SBF1: variants seen among roughly 807,000 people sequenced by gnomAD.
The protein encoded by SBF1 is SET binding factor 1.
In SBF1, 65 loss-of-function variants were observed where a neutral mutation model predicts 215.8. The ratio of observed to expected loss-of-function variants is 0.30; its 90% confidence interval spans 0.25 to 0.37. The LOEUF (loss-of-function observed/expected upper bound fraction) is 0.37. Among genes scored for constraint, SBF1 ranks in the 10% least tolerant of loss-of-function variants. The probability of loss-of-function intolerance (pLI) is 1.00; values close to 1 mark genes in which losing one functional copy is unlikely to be tolerated. For synonymous variants in SBF1, 1,410 were observed against 1,122.8 expected, an observed-to-expected ratio of 1.26 and a Z score of -5.11; for missense variants, 2,634 against 2,667.8, an observed-to-expected ratio of 0.99 and a Z score of 0.28.
At chr22:50,452,048 A>G (rs2067066967) in intron 36 of SBF1, among the ~76,000 whole-genome samples, 1 of 151,684 alleles carries the variant, frequency 6.6e-6, no homozygotes, top group Non-Finnish European at 1.5e-5. Flanking sequence ...CACCTGCCTC[A>G]GCCTCCCAAA....
Position 50,457,924 on chromosome 22 carries a change from C to T in SBF1, c.3827-813G>A, listed in dbSNP as rs535875528. Among the ~76,000 whole-genome samples, 14 of 152,370 alleles carry T rather than the reference C, an allele frequency of 9.2e-5. No homozygotes were observed. The East Asian group carries it at 2.7e-3, about 29-fold the overall frequency. On this transcript the variant is annotated intron_variant, in intron 28 of 40. Coordinates refer to ENST00000380817, the MANE Select transcript of SBF1 (RefSeq NM_002972.4). ...GCCCTGTGTCCTCTGACGGCTGCCA[C>T]ACTGCAGGCGCCCAGCTCACAGTGA...
In SBF1 at chr22:50,467,861, A is replaced by G. The variant is rs933474782; in HGVS notation, c.204T>C (p.Ala68=). The G allele has an allele frequency of 1.9e-6, 3 of 1,614,010 alleles. No individual in the cohort carries two copies. The highest frequency in any genetic ancestry group is 2.2e-5 in the East Asian group (1 of 44,886). ...PERNPPTFFV[A]VLTDINSERH... ...GCTCGGAGTTGATGTCGGTGAGGAC[A>G]GCAACAAAGAAGGTCGGTGGATTCC... Residue 68 remains alanine (A), a synonymous_variant, in exon 3 of 41, where the codon GCT becomes GCC. Transcript: ENST00000380817.
Position 50,462,192 on chromosome 22 carries a change from G to T in SBF1, c.2396+13C>A. 6.2e-7 allele frequency: 1 copy of T among 1,604,054 alleles called. No homozygotes were observed. The highest frequency in any genetic ancestry group is 8.5e-7 in the Non-Finnish European group (1 of 1,179,446). ...CCGCCTCCACTGGGCCCAACCCCCA[G>T]TCCCTGCCTCACCTGTTGGTGACCA... On this transcript the variant is annotated intron_variant, in intron 19 of 40. Transcript: ENST00000380817.
Position 50,446,356 on chromosome 22 carries a change from T to TGCCCC in SBF1, c.*785_*786insGGGGC. On this transcript the variant is annotated 3_prime_UTR_variant, in exon 41 of 41. Transcript: ENST00000380817. ...CCTGCATTCCCCTGGGAGCCCACTG[T>TGCCCC]CCCCCCCCCCCCCCCGCCTCCGGCC... 5.7e-5 allele frequency: 2 copies of TGCCCC among 35,042 alleles called. No individual in the cohort carries two copies. The highest frequency in any genetic ancestry group is 5.2e-4 in the East Asian group (1 of 1,906). 2.2% of individuals were successfully genotyped at this position (35,042 alleles called of 1,614,324 possible).
chr22:50,474,894 A>T lies in SBF1; in HGVS notation c.-54T>A. On this transcript the variant is annotated 5_prime_UTR_variant, in exon 1 of 41. Coordinates refer to ENST00000380817, the MANE Select transcript of SBF1 (RefSeq NM_002972.4). Reference sequence around the variant, plus strand: ...CGCGGGCGGGCTCCGCGGCTCGGGGACTCGAGGACGGCGCGCTCATGGCCC... The same window carrying T: ...CGCGGGCGGGCTCCGCGGCTCGGGGTCTCGAGGACGGCGCGCTCATGGCCC... The T allele has an allele frequency of 1.6e-6, 2 of 1,248,322 alleles. No homozygotes were observed. The highest frequency in any genetic ancestry group is 2.1e-6 in the Non-Finnish European group (2 of 975,050). The allele number at this position is 1,248,322 out of a possible 1,614,324, so 77.3% of individuals were successfully genotyped here.
In SBF1 at chr22:50,446,356, T is replaced by TCGTCCCCCCCC. The variant is rs1491577679; in HGVS notation, c.*785_*786insGGGGGGGGACG. 5.7e-5 allele frequency: 2 copies of TCGTCCCCCCCC among 35,048 alleles called. No homozygotes were observed. Among genetic ancestry groups the TCGTCCCCCCCC allele is most frequent in the African/African-American group, 2.6e-4 (2 of 7,646 alleles). 2.2% of individuals were successfully genotyped at this position (35,048 alleles called of 1,614,324 possible). A position where few individuals can be genotyped will look rare whatever the true frequency, so the allele number is the denominator to read the frequency against. Reference sequence around the variant, plus strand: ...CCTGCATTCCCCTGGGAGCCCACTGTCCCCCCCCCCCCCCCGCCTCCGGCC... The same window carrying TCGTCCCCCCCC: ...CCTGCATTCCCCTGGGAGCCCACTGTCGTCCCCCCCCCCCCCCCCCCCCCCCGCCTCCGGCC... On this transcript the variant is annotated 3_prime_UTR_variant, in exon 41 of 41. Transcript: ENST00000380817.
In SBF1 at chr22:50,467,648, CCTCTTCCTCCCT is replaced by C. The variant is rs1483362315; in HGVS notation, c.310_321del (p.Arg104_Glu107del). On this transcript the variant is annotated inframe_deletion, in exon 4 of 41. Coordinates refer to ENST00000380817, the MANE Select transcript of SBF1 (RefSeq NM_002972.4). ...AGGTGGGTCTGGCCTCCCTCATCCC[CCTCTTCCTCCCT>C]CTCTGTGGCATCCTCCACGCGCGTC... is the stretch of plus-strand genomic sequence containing the variant. 28 of 1,613,854 alleles carry C rather than the reference CCTCTTCCTCCCT, an allele frequency of 1.7e-5. No individual in the cohort carries two copies. Among genetic ancestry groups the C allele is most frequent in the Non-Finnish European group, 2.4e-5 (28 of 1,179,948 alleles).
intron 36 of SBF1, among the ~76,000 whole-genome samples, chr22:50,452,800 A>G (rs575436199): frequency 3.9e-4 from 59 of 151,872 alleles, no homozygotes; most frequent in Non-Finnish European, 6.9e-4. Context: ...TGTGACAGTA[A>G]CAGGACAGGA....
At chr22:50,460,741 T>C in intron 23 of SBF1, 29 bp from the exon 24 acceptor site, 1 of 1,598,486 alleles carries the variant, frequency 6.3e-7, no homozygotes, top group Non-Finnish European at 8.5e-7. Context: ...CCCTTAGGGG[T>C]GTGGGTGGCC....
chr22:50,447,392 A>G lies in SBF1; in HGVS notation c.5513T>C (p.Val1838Ala). Reference protein sequence around the residue: ...ECKGVIDLAEVEAVAPGTPTM... With the variant: ...ECKGVIDLAEAEAVAPGTPTM... ...GGGCGTGCCAGGTGCCACAGCCTCC[A>G]CCTCCGCCAAGTCGATGACACCCTT... Residue 1838 changes from valine to alanine, a missense_variant, in exon 40 of 41, where the codon GTG (valine) becomes GCG (alanine). Val to Ala is a moderately conservative substitution (Grantham distance 64). Transcript: ENST00000380817. The G allele has an allele frequency of 1.2e-6, 2 of 1,613,574 alleles. No homozygotes were observed. The highest frequency in any genetic ancestry group is 1.7e-6 in the Non-Finnish European group (2 of 1,179,864).
Position 50,465,424 on chromosome 22 carries a change from G to A in SBF1, c.1090-96C>T, listed in dbSNP as rs1395102581. 5 of 1,030,870 alleles carry A rather than the reference G, an allele frequency of 4.9e-6. No individual in the cohort carries two copies. The South Asian group carries it at 6.1e-5, about 13-fold the overall frequency. 63.9% of individuals were successfully genotyped at this position (1,030,870 alleles called of 1,614,324 possible). A position where few individuals can be genotyped will look rare whatever the true frequency, so the allele number is the denominator to read the frequency against. On this transcript the variant is annotated intron_variant, in intron 10 of 40. Transcript: ENST00000380817. ...TCCACACCCCAACCCACCCCAAGCT[G>A]CCCCGCTCCCATCCTTCTGCCCCTC...
rs1416869593 is a variant in SBF1 at position 50,446,362 on chromosome 22, C to CG, written c.*779_*780insC. ...TTCCCCTGGGAGCCCACTGTCCCCC[C>CG]CCCCCCCCCGCCTCCGGCCTCCATC... On this transcript the variant is annotated 3_prime_UTR_variant, in exon 41 of 41. Coordinates refer to ENST00000380817, the MANE Select transcript of SBF1 (RefSeq NM_002972.4). 1 of 102,388 alleles carries CG rather than the reference C, an allele frequency of 9.8e-6. No individual in the cohort carries two copies. Among genetic ancestry groups the CG allele is most frequent in the African/African-American group, 4.3e-5 (1 of 23,406 alleles). The allele number at this position is 102,388 out of a possible 1,614,324, so 6.3% of individuals were successfully genotyped here.
intron 36 of SBF1, 111 bp downstream of exon 36, chr22:50,454,401 G>A: frequency 1.0e-6 from 1 of 961,650 alleles, no homozygotes; most frequent in Non-Finnish European, 1.6e-6. Flanking sequence ...CAACCCCCAG[G>A]GGTAACCGGA....
intron 26 of SBF1, 58 bp from the exon 27 acceptor site, chr22:50,459,724 G>C: frequency 6.6e-7 from 1 of 1,504,368 alleles, no homozygotes; most frequent in Admixed American, 2.2e-5. Context: ...CCAGGCTCAC[G>C]CCCCAAGCAG....
Position 50,448,230 on chromosome 22 carries a change from T to C in SBF1, c.5363+3A>G, listed in dbSNP as rs1335796810. 1 of 1,611,188 alleles carries C rather than the reference T, an allele frequency of 6.2e-7. No homozygotes were observed. The highest frequency in any genetic ancestry group is 2.2e-5 in the East Asian group (1 of 44,884). ...CATGTGGCAGTGGGAGGTGCCCTCA[T>C]ACCTGTTCTCACTCTCTGCTGTCTG... On this transcript the variant is annotated splice_donor_region_variant and intron_variant, in intron 38 of 40. Transcript: ENST00000380817.
chr22:50,463,581 A>G, intron 15 of SBF1, 149 bp from the exon 16 acceptor site: 1 of 864,078 alleles, frequency 1.2e-6, no homozygotes, highest in Non-Finnish European at 1.7e-6. Flanking sequence ...AATAAAGACT[A>G]AAACCTCCAG....
Position 50,465,044 on chromosome 22 carries a change from G to C in SBF1, c.1289C>G (p.Ser430Ter). 3 of 1,614,090 alleles carry C rather than the reference G, an allele frequency of 1.9e-6. No homozygotes were observed. The highest frequency in any genetic ancestry group is 2.5e-6 in the Non-Finnish European group (3 of 1,180,008). The change falls in exon 12 of 41, where the codon TCA (serine) becomes TGA (stop). Residue 430 changes from serine (S) to a stop codon, truncating the protein, a stop_gained. Coordinates refer to ENST00000380817, the MANE Select transcript of SBF1 (RefSeq NM_002972.4). LOFTEE classifies it high-confidence loss of function. ...AGGGCGGTATGGGACCCCACGCTCTGACACAAAGCCAGCAAAGGCCATGCC... is the reference window on the plus strand; with the variant it reads ...AGGGCGGTATGGGACCCCACGCTCTCACACAAAGCCAGCAAAGGCCATGCC... ...LEGMAFAGFV[S>*]ERGVPYRPTD...
rs745426021 is a variant in SBF1, at chr22:50,455,405, A to G, written c.4373T>C (p.Val1458Ala). 1.9e-6 allele frequency: 3 copies of G among 1,611,790 alleles called. No individual in the cohort carries two copies. The highest frequency in any genetic ancestry group is 2.7e-5 in the African/African-American group (2 of 74,856). ...GTCTGAGAGCAGCTGCACCAAGGAT[A>G]CCACCTGCCAGCACCGCCAGGAGGT... ...EDGWDITTQVVSLVQLLSDPF... is the reference protein window; with the variant it reads ...EDGWDITTQVASLVQLLSDPF... Residue 1458 changes from valine to alanine, a missense_variant, in exon 33 of 41, where the codon GTA (valine) becomes GCA (alanine). Coordinates refer to ENST00000380817, the MANE Select transcript of SBF1 (RefSeq NM_002972.4).
At position 50,448,124 on chromosome 22, in the gene SBF1, C is replaced by T. The variant is rs1293432668; in HGVS notation, c.5363+109G>A. The T allele has an allele frequency of 3.9e-6, 4 of 1,036,866 alleles. No individual in the cohort carries two copies. In the Admixed American group the frequency reaches 5.8e-5, roughly 15 times the overall value. The allele number at this position is 1,036,866 out of a possible 1,614,324, so 64.2% of individuals were successfully genotyped here. A position where few individuals can be genotyped will look rare whatever the true frequency, so the allele number is the denominator to read the frequency against. ...AAACCCCTCCCAGTGGTGGTGTATACTTAAGCAAGCTCCTCAAAAGCACCC... is the reference window on the plus strand; with the variant it reads ...AAACCCCTCCCAGTGGTGGTGTATATTTAAGCAAGCTCCTCAAAAGCACCC... On this transcript the variant is annotated intron_variant, in intron 38 of 40. Transcript: ENST00000380817.
Sources: gnomAD v4.1 joint callset for allele counts (sites outside exome capture counted in the v4.1 genomes callset) on GRCh38, gnomAD v4.1.1 for gene constraint, MANE v1.5 for transcripts, NCBI Gene and HGNC (gene_info 2026-07-23, HGNC 2026-07-21) for gene names.